The following RAB10 variants were observed in gnomAD, a reference collection of about 807,000 sequenced individuals.
The protein encoded by RAB10 is ras-related protein Rab-10.
A neutral mutation model predicts 25.7 loss-of-function variants in RAB10; 5 were observed. That is an observed-to-expected ratio of 0.19 (90% confidence interval 0.10 to 0.41). The LOEUF (loss-of-function observed/expected upper bound fraction) is 0.41. Among genes scored for constraint, RAB10 ranks in the 10% least tolerant of loss-of-function variants. The pLI is 1.00. For synonymous variants in RAB10, 89 were observed against 86.4 expected (o/e 1.03, Z -0.16); for missense variants, 103 against 245.8 (o/e 0.42, Z 3.89).
chr2:26,133,918 C>T (rs1195522150), intron 5 of RAB10, among the ~76,000 whole-genome samples: 1 of 152,216 alleles, frequency 6.6e-6, no homozygotes, highest in Non-Finnish European at 1.5e-5. Flanking sequence ...AGGTGATCCA[C>T]CCGCCTCGGC....
intron 2 of RAB10, among the ~76,000 whole-genome samples, chr2:26,107,863 A>G (rs1388423275): frequency 6.6e-6 from 1 of 152,066 alleles, no homozygotes. Flanking sequence ...AAAAAACCAG[A>G]CATTTCACCA....
At chr2:26,120,866 A>G (rs1017762941) in intron 3 of RAB10, among the ~76,000 whole-genome samples, 4 of 152,018 alleles carry the variant, frequency 2.6e-5, no homozygotes, top group Non-Finnish European at 5.9e-5. Context: ...CTGGGATTAT[A>G]GGCATGAGCC....
intron 3 of RAB10, among the ~76,000 whole-genome samples, chr2:26,116,596 G>A (rs1250338565): frequency 2.7e-5 from 3 of 111,450 alleles, no homozygotes; most frequent in Admixed American, 1.4e-4. Flanking sequence ...TTGCTCTGTC[G>A]CCCAGGCTGG....
At chr2:26,134,425 C>T (rs28699126) in intron 5 of RAB10, among the ~76,000 whole-genome samples, 111,082 of 152,162 alleles carry the variant, frequency 0.73, 41,000 homozygotes, top group East Asian at 0.87. Flanking sequence ...CCATCTATAT[C>T]CATTTTTAAC....
chr2:26,078,608 A>G (rs967730539), intron 1 of RAB10, among the ~76,000 whole-genome samples: 1 of 152,138 alleles, frequency 6.6e-6, no homozygotes, highest in Non-Finnish European at 1.5e-5. Flanking sequence ...AGTCTAGGAA[A>G]AGAGGGGAGG....
intron 1 of RAB10, among the ~76,000 whole-genome samples, chr2:26,050,093 T>A (rs1033791500): frequency 2.6e-5 from 4 of 152,234 alleles, no homozygotes; most frequent in Non-Finnish European, 5.9e-5. Flanking sequence ...CCCTGTTTTT[T>A]TGCAATACCT....
intron 1 of RAB10, among the ~76,000 whole-genome samples, chr2:26,061,613 A>G (rs1234139305): frequency 2.6e-5 from 4 of 151,878 alleles, no homozygotes; most frequent in Non-Finnish European, 1.5e-5. Context: ...CTGGTCTCGA[A>G]CTCCTACCTT....
At chr2:26,054,199 C>T (rs34909459) in intron 1 of RAB10, among the ~76,000 whole-genome samples, 5,159 of 151,688 alleles carry the variant, frequency 0.034, 293 homozygotes, top group African/African-American at 0.11. Context: ...AGGCGCCCAC[C>T]GCCACGCCCA....
intron 1 of RAB10, among the ~76,000 whole-genome samples, chr2:26,058,548 C>T (rs906556705): frequency 8.5e-5 from 13 of 152,226 alleles, no homozygotes; most frequent in Middle Eastern, 6.8e-3. Flanking sequence ...CAGATGTATA[C>T]CACCGTACTG....
chr2:26,096,426 C>CTGGATGGATGGATGGA lies in RAB10; in HGVS notation c.128-2233_128-2232insATGGATGGATGGATGG, dbSNP rs1387189328. Among the ~76,000 whole-genome samples, 246 of 79,962 alleles carry CTGGATGGATGGATGGA rather than the reference C, an allele frequency of 3.1e-3. 1 individual carries two copies. Among genetic ancestry groups the CTGGATGGATGGATGGA allele is most frequent in the African/African-American group, 0.01 (240 of 22,952 alleles). The allele number at this position is 79,962 out of a possible 152,430, so 52.5% of individuals were successfully genotyped here. A position where few individuals can be genotyped will look rare whatever the true frequency, so the allele number is the denominator to read the frequency against. ...GATGGATGGCTGGATGGATGGCTGG[C>CTGGATGGATGGATGGA]TGGCTGGATGGATGGATGGATGGAT... On this transcript the variant is annotated intron_variant, in intron 1 of 5. Transcript: ENST00000264710.
intron 1 of RAB10, among the ~76,000 whole-genome samples, chr2:26,076,874 G>T (rs1476220940): frequency 6.6e-6 from 1 of 150,646 alleles, no homozygotes; most frequent in East Asian, 1.9e-4. Flanking sequence ...AACCCGGGAG[G>T]CGGAAGTTGC....
intron 2 of RAB10, among the ~76,000 whole-genome samples, chr2:26,107,708 A>T (rs935627526): frequency 3.3e-5 from 5 of 152,084 alleles, no homozygotes; most frequent in Admixed American, 3.3e-4. Flanking sequence ...AGGCAGGAGA[A>T]TCACTTGAAC....
chr2:26,063,836 C>T (rs1188454112), intron 1 of RAB10, among the ~76,000 whole-genome samples: 5 of 152,160 alleles, frequency 3.3e-5, no homozygotes, highest in Non-Finnish European at 7.3e-5. Context: ...CTCACTCTGT[C>T]GCCCAGGCTG....
intron 1 of RAB10, among the ~76,000 whole-genome samples, chr2:26,091,413 T>C (rs1405572933): frequency 6.6e-6 from 1 of 151,986 alleles, no homozygotes; most frequent in East Asian, 1.9e-4. Context: ...ATAGTACCTT[T>C]ATGGAAAGGT....
At chr2:26,046,393 A>G (rs1046423121) in intron 1 of RAB10, among the ~76,000 whole-genome samples, 1 of 152,254 alleles carries the variant, frequency 6.6e-6, no homozygotes, top group African/African-American at 2.4e-5. Flanking sequence ...AAGAAAACTC[A>G]GTCTTAAGGG....
intron 1 of RAB10, among the ~76,000 whole-genome samples, chr2:26,087,639 T>G (rs1405313914): frequency 1.3e-5 from 2 of 152,206 alleles, no homozygotes; most frequent in Non-Finnish European, 2.9e-5. Flanking sequence ...TGACCTCAGG[T>G]GATCTGCCCA....
At chr2:26,076,606 TACTC>T (rs1331413241) in intron 1 of RAB10, among the ~76,000 whole-genome samples, 1 of 152,142 alleles carries the variant, frequency 6.6e-6, no homozygotes, top group Non-Finnish European at 1.5e-5. Flanking sequence ...AGAATCTACT[TACTC>T]AGTTCTTTTA....
At chr2:26,065,553 T>C (rs578178232) in intron 1 of RAB10, among the ~76,000 whole-genome samples, 5 of 152,304 alleles carry the variant, frequency 3.3e-5, no homozygotes, top group African/African-American at 1.2e-4. Context: ...TATTTCCAAC[T>C]GATTAGAAAA....
intron 1 of RAB10, among the ~76,000 whole-genome samples, chr2:26,041,543 C>CAAAAAAAAA (rs1230627488): frequency 2.2e-5 from 1 of 44,628 alleles, no homozygotes; most frequent in African/African-American, 8.5e-5. Context: ...GACGCTGACT[C>CAAAAAAAAA]AAAAAAAAAA....
Sources: allele counts gnomAD v4.1 joint callset (sites outside exome capture counted in the v4.1 genomes callset), GRCh38; gene constraint gnomAD v4.1.1; transcripts MANE v1.5; gene names NCBI Gene and HGNC (gene_info 2026-07-23, HGNC 2026-07-21).